The following PRR5L variants were observed in gnomAD, a reference collection of about 807,000 sequenced individuals.
PRR5L encodes proline rich 5 like, also known as proline-rich protein 5-like.
PRR5L carries 21 observed loss-of-function variants against 36.4 expected under a neutral mutation model. The observed-to-expected ratio is 0.58, with a 90% confidence interval of 0.41 to 0.83. The LOEUF is 0.83. Among genes scored for constraint, PRR5L ranks in the 40% least tolerant of loss-of-function variants. PRR5L has a pLI of 0.00. For missense variants in PRR5L, 381 were observed against 473.3 expected (o/e 0.80, Z 1.81); for synonymous variants, 188 against 197.0 (o/e 0.95, Z 0.38).
At chr11:36,440,660 C>T (rs1004762684) in intron 6 of PRR5L, among the ~76,000 whole-genome samples, 15 of 152,072 alleles carry the variant, frequency 9.9e-5, no homozygotes, top group Non-Finnish European at 2.1e-4. Context: ...CTGTGTTAGT[C>T]TGTTTGTGTT....
intron 1 of PRR5L, among the ~76,000 whole-genome samples, chr11:36,385,141 T>G (rs1857434660): frequency 6.6e-6 from 1 of 152,168 alleles, no homozygotes; most frequent in Non-Finnish European, 1.5e-5. Flanking sequence ...CTCACCAGGG[T>G]TTTGTATACG....
At chr11:36,319,682 C>CTT (rs10565468) in intron 1 of PRR5L, among the ~76,000 whole-genome samples, 3 of 140,814 alleles carry the variant, frequency 2.1e-5, no homozygotes, top group Non-Finnish European at 4.7e-5. Flanking sequence ...ACTAAATTTC[C>CTT]TTTTTTTTTT....
intron 5 of PRR5L, among the ~76,000 whole-genome samples, chr11:36,433,531 G>C (rs1181117689): frequency 2.0e-5 from 3 of 152,106 alleles, no homozygotes; most frequent in Non-Finnish European, 2.9e-5. Context: ...GACTTGCTTT[G>C]ACCAAGAATT....
intron 1 of PRR5L, among the ~76,000 whole-genome samples, chr11:36,337,635 C>G (rs1856781514): frequency 6.6e-6 from 1 of 152,228 alleles, no homozygotes; most frequent in South Asian, 2.1e-4. Context: ...ACTCAACTTC[C>G]TCTCTGAGCT....
intron 1 of PRR5L, among the ~76,000 whole-genome samples, chr11:36,334,547 G>C (rs1474969767): frequency 6.6e-6 from 1 of 152,108 alleles, no homozygotes; most frequent in Non-Finnish European, 1.5e-5. Flanking sequence ...ATTTCAATTT[G>C]CTTGTAACCC....
intron 1 of PRR5L, among the ~76,000 whole-genome samples, chr11:36,334,376 C>G (rs1002891890): frequency 1.3e-5 from 2 of 152,212 alleles, no homozygotes; most frequent in African/African-American, 4.8e-5. Flanking sequence ...TTCCACTGGT[C>G]TCAGAATATA....
At position 36,351,570 on chromosome 11, in the gene PRR5L, T is replaced by TA. The variant is rs1359653586; in HGVS notation, c.-125-49427_-125-49426insA. Among the ~76,000 whole-genome samples the TA allele has an allele frequency of 1.1e-4, 4 of 35,438 alleles. 2 individuals are homozygous for TA. The highest frequency in any genetic ancestry group is 5.2e-4 in the African/African-American group (4 of 7,750). The allele number at this position is 35,438 out of a possible 152,430, so 23.2% of individuals were successfully genotyped here. ...TTATATATATTTATATATTTATATA[T>TA]TTATATAAATATATATTTATATATT... is the stretch of plus-strand genomic sequence containing the variant. On this transcript the variant is annotated intron_variant, in intron 1 of 8. Transcript: ENST00000530639.
chr11:36,351,049 A>G (rs1273943394), intron 1 of PRR5L, among the ~76,000 whole-genome samples: 14 of 94,136 alleles, frequency 1.5e-4, no homozygotes, highest in Non-Finnish European at 2.4e-4. Context: ...AATATATTTT[A>G]TATGTATTTT....
rs190260680 is a variant in PRR5L, at chr11:36,375,118, C to A, written c.-125-25879C>A. 2.3e-3 allele frequency among the ~76,000 whole-genome samples: 357 copies of A among 152,016 alleles called. 2 individuals are homozygous for A. Among genetic ancestry groups the A allele is most frequent in the South Asian group, 5.6e-3 (27 of 4,790 alleles). On this transcript the variant is annotated intron_variant, in intron 1 of 8. Transcript: ENST00000530639. ...GGTATGGTGGTGCATGCCTGTAATC[C>A]CAGCTACTCGGGAGGCTGAAGCATG...
At chr11:36,441,465 A>G (rs571653414) in intron 6 of PRR5L, among the ~76,000 whole-genome samples, 16 of 152,352 alleles carry the variant, frequency 1.1e-4, no homozygotes, top group African/African-American at 3.6e-4. Flanking sequence ...TACTGATGCA[A>G]AGGATGGGCT....
chr11:36,323,008 C>T (rs548050334), intron 1 of PRR5L, among the ~76,000 whole-genome samples: 68 of 152,308 alleles, frequency 4.5e-4, no homozygotes, highest in African/African-American at 1.6e-3. Context: ...AGATTCTTCT[C>T]TAGAGCATAT....
intron 1 of PRR5L, chr11:36,321,418 A>G (rs1856612643): frequency 6.6e-6 from 1 of 152,230 alleles, no homozygotes; most frequent in Non-Finnish European, 1.5e-5. Flanking sequence ...TTTCTTTTCC[A>G]TGAGCTTCTA....
At chr11:36,457,907 AT>A (rs895767482) in intron 8 of PRR5L, among the ~76,000 whole-genome samples, 3 of 152,106 alleles carry the variant, frequency 2.0e-5, no homozygotes, top group Non-Finnish European at 4.4e-5. Context: ...TCTCAAGGGC[AT>A]TTTTTTTAAG....
intron 4 of PRR5L, among the ~76,000 whole-genome samples, chr11:36,421,216 A>C (rs79677384): frequency 0.071 from 10,763 of 152,172 alleles, 382 homozygotes; most frequent in African/African-American, 0.087. Flanking sequence ...GTGTGGTTTC[A>C]ATCAGGTTTT....
At chr11:36,429,778 A>G (rs567730315) in intron 4 of PRR5L, among the ~76,000 whole-genome samples, 1 of 152,340 alleles carries the variant, frequency 6.6e-6, no homozygotes, top group South Asian at 2.1e-4. Context: ...TGGAGACTGC[A>G]GGGCACAAAT....
chr11:36,344,442 C>A lies in PRR5L; in HGVS notation c.-126+48004C>A, dbSNP rs1856845850. On this transcript the variant is annotated intron_variant, in intron 1 of 8. Coordinates refer to ENST00000530639, the MANE Select transcript of PRR5L (RefSeq NM_001160167.2). The surrounding 1 kb of genome is among the most constrained non-coding windows in gnomAD (Gnocchi z 4.1). ...TGATATTATTAAAAGTTATTGACAT[C>A]ATTTTTAAGGCAAACATAATGTTCC... is the stretch of plus-strand genomic sequence containing the variant. Among the ~76,000 whole-genome samples, 1 of 152,138 alleles carries A rather than the reference C, an allele frequency of 6.6e-6. No individual in the cohort carries two copies. Among genetic ancestry groups the A allele is most frequent in the South Asian group, 2.1e-4 (1 of 4,830 alleles).
At chr11:36,449,918 C>T (rs1312056574) in intron 7 of PRR5L, among the ~76,000 whole-genome samples, 2 of 152,168 alleles carry the variant, frequency 1.3e-5, no homozygotes, top group African/African-American at 4.8e-5. Context: ...TTTCTGTGGT[C>T]CCTCCCTGTT....
intron 4 of PRR5L, among the ~76,000 whole-genome samples, chr11:36,431,646 C>T (rs1030151679): frequency 3.9e-5 from 6 of 152,064 alleles, no homozygotes; most frequent in African/African-American, 1.4e-4. Flanking sequence ...CCTCTTATCT[C>T]ACTCGTTCTT....
Position 36,448,266 on chromosome 11 carries a change from T to G in PRR5L, c.585+1826T>G, listed in dbSNP as rs1313865962. Among the ~76,000 whole-genome samples, 3 of 152,106 alleles carry G rather than the reference T, an allele frequency of 2.0e-5. No individual in the cohort carries two copies. In the East Asian group the frequency reaches 5.8e-4, roughly 29 times the overall value. On this transcript the variant is annotated intron_variant, in intron 7 of 8. Transcript: ENST00000530639. ...CCCAGGAGAATCTACCCTCATGCGC[T>G]CTGGTCCCCACCCCCATTTGCTCTC...
Sources: allele counts gnomAD v4.1 joint callset (sites outside exome capture counted in the v4.1 genomes callset), GRCh38; gene constraint gnomAD v4.1.1; non-coding constraint Gnocchi (gnomAD v3.1); transcripts MANE v1.5; gene names NCBI Gene and HGNC (gene_info 2026-07-23, HGNC 2026-07-21).